Variants in MAML3 observed in about 807,000 individuals in gnomAD.
MAML3 encodes mastermind like transcriptional coactivator 3.
Under a neutral mutation model 101.9 loss-of-function variants are expected in MAML3, and 27 were observed. That is an observed-to-expected ratio of 0.27 (90% CI 0.20 to 0.37). The LOEUF (loss-of-function observed/expected upper bound fraction) is 0.37, where lower values mean the gene tolerates loss of function less well. MAML3 is among the 10% of genes least tolerant of loss of function. The pLI, the probability that MAML3 is intolerant of heterozygous loss-of-function variation, is 1.00. For synonymous variants in MAML3, 501 were observed against 555.9 expected (o/e 0.90, Z 1.39); for missense variants, 1,316 against 1,444.9 (o/e 0.91, Z 1.45).
At chr4:140,024,795 A>C (rs770722386) in intron 1 of MAML3, among the ~76,000 whole-genome samples, 1 of 152,238 alleles carries the variant, frequency 6.6e-6, no homozygotes, top group Non-Finnish European at 1.5e-5. Context: ...TACACTATGA[A>C]AAACACTGGT....
At chr4:140,048,368 A>ATAC in intron 1 of MAML3, among the ~76,000 whole-genome samples, 1 of 152,230 alleles carries the variant, frequency 6.6e-6, no homozygotes, top group African/African-American at 2.4e-5. Context: ...ACCAAATAAT[A>ATAC]AAGCCATCTC....
chr4:140,012,919 A>G (rs1350680086), intron 1 of MAML3, among the ~76,000 whole-genome samples: 3 of 152,220 alleles, frequency 2.0e-5, no homozygotes, highest in Non-Finnish European at 4.4e-5. Context: ...CCATTCCCAT[A>G]AAAGCACACA....
At chr4:139,775,599 G>T (rs901605855) in intron 2 of MAML3, among the ~76,000 whole-genome samples, 1 of 152,164 alleles carries the variant, frequency 6.6e-6, no homozygotes, top group Non-Finnish European at 1.5e-5. Flanking sequence ...TGTGGGCCCG[G>T]AAAGGAAAAT....
chr4:140,033,907 T>C (rs2110895632), intron 1 of MAML3, among the ~76,000 whole-genome samples: 1 of 152,310 alleles, frequency 6.6e-6, no homozygotes, highest in Admixed American at 6.5e-5. Context: ...GTGAGGTCTA[T>C]AAAAGAATGT....
chr4:140,011,682 G>A (rs1172464827), intron 1 of MAML3, among the ~76,000 whole-genome samples: 2 of 152,128 alleles, frequency 1.3e-5, no homozygotes, highest in African/African-American at 2.4e-5. Context: ...AGTGGTTCAG[G>A]TGAACTAATG....
intron 1 of MAML3, among the ~76,000 whole-genome samples, chr4:139,914,715 G>T (rs1276641544): frequency 6.6e-6 from 1 of 152,118 alleles, no homozygotes; most frequent in Non-Finnish European, 1.5e-5. Flanking sequence ...ATGATGGAGA[G>T]GACAAAAATC....
intron 1 of MAML3, among the ~76,000 whole-genome samples, chr4:139,936,663 T>C (rs1733511128): frequency 6.6e-6 from 1 of 152,098 alleles, no homozygotes; most frequent in Non-Finnish European, 1.5e-5. Context: ...TACCTGTGAA[T>C]AGCCATTGCA....
intron 2 of MAML3, among the ~76,000 whole-genome samples, chr4:139,837,107 A>T (rs972861428): frequency 6.9e-6 from 1 of 145,452 alleles, no homozygotes; most frequent in Admixed American, 6.9e-5. Flanking sequence ...GGGCAACAAG[A>T]ATGAAACTCT....
chr4:139,838,655 C>A (rs1238280581), intron 2 of MAML3, among the ~76,000 whole-genome samples: 1 of 152,124 alleles, frequency 6.6e-6, no homozygotes, highest in Non-Finnish European at 1.5e-5. Flanking sequence ...CATTCTTTCT[C>A]TGGTAAATTG....
intron 1 of MAML3, among the ~76,000 whole-genome samples, chr4:139,927,146 AC>A (rs1733282013): frequency 6.7e-6 from 1 of 149,678 alleles, no homozygotes; most frequent in African/African-American, 2.5e-5. Context: ...TTGGTCTCGA[AC>A]TCCTGACTTC....
At chr4:140,128,935 T>C (rs1728733266) in intron 1 of MAML3, among the ~76,000 whole-genome samples, 3 of 152,130 alleles carry the variant, frequency 2.0e-5, no homozygotes, top group South Asian at 4.1e-4. Flanking sequence ...GCATAGGTAG[T>C]CTTCCGAAGA....
chr4:140,052,680 A>T (rs1361929667), intron 1 of MAML3, among the ~76,000 whole-genome samples: 2 of 151,816 alleles, frequency 1.3e-5, no homozygotes, highest in African/African-American at 4.8e-5. Flanking sequence ...GATTACAGGC[A>T]TACACCACCA....
chr4:140,002,583 T>C (rs755322095), intron 1 of MAML3, among the ~76,000 whole-genome samples: 3 of 152,230 alleles, frequency 2.0e-5, no homozygotes, highest in Non-Finnish European at 4.4e-5. Flanking sequence ...TACTATAGGT[T>C]CTAAATACTA....
intron 1 of MAML3, among the ~76,000 whole-genome samples, chr4:140,092,898 C>T (rs961925433): frequency 2.0e-5 from 3 of 152,106 alleles, no homozygotes; most frequent in African/African-American, 7.2e-5. Context: ...AGTACCAAGT[C>T]AATAATAAGG....
At chr4:139,928,970 A>G (rs1335962960) in intron 1 of MAML3, among the ~76,000 whole-genome samples, 1 of 152,212 alleles carries the variant, frequency 6.6e-6, no homozygotes, top group East Asian at 1.9e-4. Flanking sequence ...GTGAAGAGGA[A>G]GGGAAGTATA....
intron 1 of MAML3, among the ~76,000 whole-genome samples, chr4:140,048,650 T>A (rs1432143298): frequency 6.6e-6 from 1 of 152,218 alleles, no homozygotes; most frequent in African/African-American, 2.4e-5. Context: ...CTCTGTATAA[T>A]CTCAACTATA....
intron 2 of MAML3, among the ~76,000 whole-genome samples, chr4:139,826,515 G>A (rs1392111707): frequency 2.0e-5 from 3 of 152,210 alleles, no homozygotes; most frequent in African/African-American, 7.2e-5. Context: ...TAGACTGGTG[G>A]CGTCAGCAAT....
At chr4:139,930,199 C>A (rs1231989829) in intron 1 of MAML3, among the ~76,000 whole-genome samples, 1 of 152,136 alleles carries the variant, frequency 6.6e-6, no homozygotes, top group South Asian at 2.1e-4. Flanking sequence ...TATGAAAGTA[C>A]CACGTGGAAG....
chr4:139,830,376 A>T (rs1322791564), intron 2 of MAML3, among the ~76,000 whole-genome samples: 4 of 151,988 alleles, frequency 2.6e-5, no homozygotes, highest in Non-Finnish European at 5.9e-5. Context: ...AGTTCATATT[A>T]AAATAATCAA....
Sources: allele counts gnomAD v4.1 joint callset (sites outside exome capture counted in the v4.1 genomes callset), GRCh38; gene constraint gnomAD v4.1.1; transcripts MANE v1.5; gene names NCBI Gene and HGNC (gene_info 2026-07-23, HGNC 2026-07-21).